Variants in PI4KB observed in about 807,000 individuals in gnomAD.
PI4KB encodes the protein PtdIns 4-kinase beta.
Under a neutral mutation model 81.4 loss-of-function variants are expected in PI4KB, and 23 were observed. The observed-to-expected ratio is 0.28, with a 90% confidence interval of 0.20 to 0.40. PI4KB has a LOEUF of 0.40. PI4KB is among the 10% of genes least tolerant of loss of function. The pLI is 1.00. For synonymous variants in PI4KB, 381 were observed against 406.8 expected (o/e 0.94, Z 0.76); for missense variants, 651 against 1,036.6 (o/e 0.63, Z 5.11).
chr1:151,324,787 C>T, intron 1 of PI4KB: 1 of 985,310 alleles, frequency 1.0e-6, no homozygotes, highest in Non-Finnish European at 1.2e-6. Flanking sequence ...CCCAAATACA[C>T]TTGGACTGGG....
intron 5 of PI4KB, among the ~76,000 whole-genome samples, chr1:151,304,891 G>A (rs587767372): frequency 7.3e-4 from 110 of 150,818 alleles, no homozygotes; most frequent in Admixed American, 5.8e-3. Flanking sequence ...GTGCAGTGGC[G>A]TGATCTTGGT....
chr1:151,312,587 T>C (rs1355746194), intron 2 of PI4KB, among the ~76,000 whole-genome samples: 1 of 152,232 alleles, frequency 6.6e-6, no homozygotes, highest in Non-Finnish European at 1.5e-5. Flanking sequence ...AGCTCACGGC[T>C]TTGGACATTG....
chr1:151,301,889 G>A lies in PI4KB; in HGVS notation c.1704C>T (p.Asp568=), dbSNP rs774841752. 2 of 1,614,112 alleles carry A rather than the reference G, an allele frequency of 1.2e-6. No individual in the cohort carries two copies. The highest frequency in any genetic ancestry group is 1.7e-4 in the Middle Eastern group (1 of 5,996). Residue 568 remains aspartate, a synonymous_variant, in exon 8 of 12, where the codon GAC becomes GAT. Coordinates refer to ENST00000368873, the MANE Select transcript of PI4KB (RefSeq NM_001369623.2). ...GAAAGGCCAGAAGCTCTTGCCGAAG[G>A]TCATCCCCACACTTGACAATGACTG... ...LLSVIVKCGD[D]LRQELLAFQV... is the part of the protein sequence containing the mutation.
chr1:151,324,976 G>A lies in PI4KB; in HGVS notation c.-29+2295C>T, dbSNP rs933752235. On this transcript the variant is annotated intron_variant, in intron 1 of 11. Transcript: ENST00000368873. ...GATTTCTGGTTGGGGATGCTTCCAA[G>A]GAGGAAAGCTGCTTTTTTTTTTTTT... 7.4e-6 allele frequency: 6 copies of A among 806,030 alleles called. No individual in the cohort carries two copies. The African/African-American group carries it at 1.1e-4, about 15-fold the overall frequency. The allele number at this position is 806,030 out of a possible 1,614,324, so 49.9% of individuals were successfully genotyped here. A position where few individuals can be genotyped will look rare whatever the true frequency, so the allele number is the denominator to read the frequency against.
chr1:151,317,965 T>G (rs1169312359), intron 1 of PI4KB, among the ~76,000 whole-genome samples: 1 of 152,106 alleles, frequency 6.6e-6, no homozygotes, highest in Non-Finnish European at 1.5e-5. Flanking sequence ...TGTGCCATCA[T>G]GCTCAGCTAA....
At position 151,310,221 on chromosome 1, in the gene PI4KB, G is replaced by A. The variant is rs770279139; in HGVS notation, c.944C>T (p.Ser315Leu). The change falls in exon 3 of 12, where the codon TCA (serine) becomes TTA (leucine). Residue 315 changes from serine (S) to leucine (L), a missense_variant. Transcript: ENST00000368873. ...LSSSTESIDNSFSSPVRLAPE... is the reference protein window; with the variant it reads ...LSSSTESIDNLFSSPVRLAPE... The stretch of plus-strand genomic sequence containing the variant: ...CCTGGCCCCACTTACGGAACTGAAT[G>A]AATTATCAATACTCTCGGTGCTGGA... The A allele has an allele frequency of 2.7e-6, 4 of 1,491,714 alleles. No homozygotes were observed. The Admixed American group carries it at 7.2e-5, about 27-fold the overall frequency. 92.4% of individuals were successfully genotyped at this position (1,491,714 alleles called of 1,614,324 possible).
chr1:151,316,935 G>A (rs558789248), intron 1 of PI4KB, among the ~76,000 whole-genome samples: 1 of 151,930 alleles, frequency 6.6e-6, no homozygotes, highest in South Asian at 2.1e-4. Flanking sequence ...CCATTCTCCT[G>A]CCTCAGCCTC....
intron 11 of PI4KB, chr1:151,293,675 G>A (rs1694525781): frequency 3.1e-6 from 1 of 317,852 alleles, no homozygotes; most frequent in Non-Finnish European, 6.0e-6. Context: ...AGAGGTCATA[G>A]TGGAATGGAG....
At chr1:151,312,962 G>A (rs1449352244) in intron 2 of PI4KB, among the ~76,000 whole-genome samples, 1 of 152,178 alleles carries the variant, frequency 6.6e-6, no homozygotes, top group Non-Finnish European at 1.5e-5. Context: ...AGGCTACAGT[G>A]AGCTATGACT....
intron 5 of PI4KB, among the ~76,000 whole-genome samples, chr1:151,304,225 T>C (rs1219284831): frequency 6.6e-6 from 1 of 152,216 alleles, no homozygotes; most frequent in Non-Finnish European, 1.5e-5. Flanking sequence ...TGTCACCTAG[T>C]ACACACTGCT....
intron 1 of PI4KB, among the ~76,000 whole-genome samples, chr1:151,324,357 A>C (rs1246462611): frequency 6.6e-6 from 1 of 152,082 alleles, no homozygotes; most frequent in Non-Finnish European, 1.5e-5. Flanking sequence ...CTCATGTCTT[A>C]ATGTCTAACT....
At chr1:151,312,521 A>C (rs1451032319) in intron 2 of PI4KB, among the ~76,000 whole-genome samples, 5 of 152,186 alleles carry the variant, frequency 3.3e-5, no homozygotes, top group Admixed American at 3.3e-4. Flanking sequence ...TTTCATTATT[A>C]CTTCACATGT....
rs200051278 is a variant in PI4KB, at chr1:151,293,972, G to C, written c.2269+46C>G. The C allele has an allele frequency of 2.8e-4, 455 of 1,611,294 alleles. 1 individual carries two copies. The Admixed American group carries it at 7.5e-3, about 27-fold the overall frequency. On this transcript the variant is annotated intron_variant, in intron 11 of 11. Transcript: ENST00000368873. Reference sequence around the variant, plus strand: ...TTATGCTCCAGGGCTCCGACTTAAAGGGGAAGCCTGAGGCACTATAGCACC... The same window carrying C: ...TTATGCTCCAGGGCTCCGACTTAAACGGGAAGCCTGAGGCACTATAGCACC...
At chr1:151,318,548 A>G (rs1317984791) in intron 1 of PI4KB, among the ~76,000 whole-genome samples, 1 of 151,688 alleles carries the variant, frequency 6.6e-6, no homozygotes, top group African/African-American at 2.4e-5. Context: ...CCTCGTCTCT[A>G]CTAAAAATAC....
chr1:151,322,940 A>C (rs1252689518), intron 1 of PI4KB, among the ~76,000 whole-genome samples: 1 of 152,092 alleles, frequency 6.6e-6, no homozygotes, highest in Non-Finnish European at 1.5e-5. Flanking sequence ...AGTCTCCTCT[A>C]TCCTTTTTTT....
chr1:151,314,580 T>C (rs1647624124), intron 2 of PI4KB, among the ~76,000 whole-genome samples: 1 of 152,238 alleles, frequency 6.6e-6, no homozygotes, highest in Admixed American at 6.5e-5. Context: ...ATTTACTCTA[T>C]ACTAAGAGTG....
intron 2 of PI4KB, among the ~76,000 whole-genome samples, chr1:151,311,781 G>A (rs894857514): frequency 6.6e-5 from 10 of 152,140 alleles, no homozygotes; most frequent in African/African-American, 2.2e-4. Context: ...AGTCAGCTCC[G>A]GGGAGTAAAG....
At chr1:151,294,620 GC>G in intron 9 of PI4KB, 79 bp from the exon 10 acceptor site, 1 of 1,373,772 alleles carries the variant, frequency 7.3e-7, no homozygotes, top group Non-Finnish European at 1.0e-6. Flanking sequence ...CAATACACTG[GC>G]CACATGACAC....
Position 151,298,790 on chromosome 1 carries a change from G to C in PI4KB, c.2015+18C>G. The C allele has an allele frequency of 3.1e-6, 5 of 1,605,480 alleles. No individual in the cohort carries two copies. The highest frequency in any genetic ancestry group is 4.3e-6 in the Non-Finnish European group (5 of 1,173,598). The stretch of plus-strand genomic sequence containing the variant: ...GAACCCTGGAGAAATGTTAGGATGA[G>C]CAGCAGAAGTCACCTACCTGTCCTT... On this transcript the variant is annotated intron_variant, in intron 9 of 11. Coordinates refer to ENST00000368873, the MANE Select transcript of PI4KB (RefSeq NM_001369623.2).
Sources: allele counts gnomAD v4.1 joint callset (sites outside exome capture counted in the v4.1 genomes callset), GRCh38; gene constraint gnomAD v4.1.1; transcripts MANE v1.5; gene names NCBI Gene and HGNC (gene_info 2026-07-23, HGNC 2026-07-21).